GPR108: variants seen among roughly 807,000 people sequenced by gnomAD.
The protein encoded by GPR108 is G protein-coupled receptor 108.
In GPR108, 60 loss-of-function variants were observed where a neutral mutation model predicts 74.3. The observed-to-expected ratio is 0.81, with a 90% CI of 0.66 to 1.00. The LOEUF is 1.00. GPR108 is among the 50% of genes least tolerant of loss of function. The pLI is 0.00. For missense variants in GPR108, 667 were observed against 703.3 expected (o/e 0.95, Z 0.58); for synonymous variants, 311 against 292.4 (o/e 1.06, Z -0.65).
At chr19:6,735,993 G>T in intron 2 of GPR108, 35 bp from the exon 3 acceptor site, 1 of 1,576,934 alleles carries the variant, frequency 6.3e-7, no homozygotes, top group Non-Finnish European at 8.6e-7. Context: ...AGGGTGTGAG[G>T]GACAGTAGAG....
intron 1 of GPR108, chr19:6,737,221 T>C (rs951825606): frequency 4.1e-5 from 22 of 536,308 alleles, no homozygotes; most frequent in African/African-American, 3.9e-4. Flanking sequence ...CCCCAAGAGA[T>C]GGAGCCTCGC....
chr19:6,731,330 C>T, intron 15 of GPR108, 48 bp from the exon 16 acceptor site: 2 of 1,518,856 alleles, frequency 1.3e-6, no homozygotes, highest in Non-Finnish European at 1.8e-6. Flanking sequence ...GGGGCACGGG[C>T]AGGCATGGGG....
chr19:6,736,974 G>C, intron 1 of GPR108: 1 of 491,932 alleles, frequency 2.0e-6, no homozygotes, highest in Non-Finnish European at 3.7e-6. Context: ...GCACCGCCCG[G>C]AGAACAGTTA....
chr19:6,731,354 C>T, intron 15 of GPR108, 72 bp from the exon 16 acceptor site: 1 of 1,503,094 alleles, frequency 6.7e-7, no homozygotes, highest in South Asian at 1.3e-5. Context: ...GACTGCAGGA[C>T]TGCGGGCTGG....
rs60463209 is a variant in GPR108, at chr19:6,731,202, G to A, written c.1431C>T (p.Tyr477=). Residue 477 remains tyrosine, a synonymous_variant, in exon 16 of 18, where the codon TAC becomes TAT. Coordinates refer to ENST00000264080, the MANE Select transcript of GPR108 (RefSeq NM_001080452.2). ...CCCACCTGGGCCTCGGGCTCACCTG[G>A]TACAGCCACTGCCACTGAAAGGGCA... ...VAVPFQWQWL[Y]QLLVEGSTLA... 7,095 of 1,587,828 alleles carry A rather than the reference G, an allele frequency of 4.5e-3. 124 individuals carry two copies. The highest frequency in any genetic ancestry group is 0.036 in the East Asian group (1,601 of 44,470).
Position 6,730,329 on chromosome 19 carries a change from C to T in GPR108, c.1615G>A (p.Gly539Arg). The T allele has an allele frequency of 1.2e-6, 2 of 1,613,834 alleles. No individual in the cohort carries two copies. The highest frequency in any genetic ancestry group is 1.1e-5 in the South Asian group (1 of 91,068). Residue 539 changes from glycine to arginine, a missense_variant, in exon 18 of 18, where the codon GGG becomes AGG. Gly to Arg is a moderately radical substitution (Grantham distance 125, BLOSUM62 -2). Coordinates refer to ENST00000264080, the MANE Select transcript of GPR108 (RefSeq NM_001080452.2). ...GLSKVNKTAS[G>R]RELL ...GGAGGTGATCATAACAGTTCCCGCC[C>T]GCTGGCTGTTTTGTTGACTTTGGAG...
chr19:6,734,854 T>C (rs1256870524), intron 4 of GPR108, among the ~76,000 whole-genome samples: 2 of 34,624 alleles, frequency 5.8e-5, no homozygotes, highest in Admixed American at 2.8e-4. Context: ...CCTACATTAT[T>C]ATTATTATTA....
intron 17 of GPR108, 49 bp downstream of exon 17, chr19:6,730,938 C>A (rs1219873077): frequency 1.4e-5 from 22 of 1,599,790 alleles, no homozygotes; most frequent in Non-Finnish European, 1.9e-5. Context: ...CTGCCCACCC[C>A]CTACTCCACC....
In GPR108 at chr19:6,734,322, G is replaced by T. The variant is rs770742044; in HGVS notation, c.375-15C>A. On this transcript the variant is annotated splice_polypyrimidine_tract_variant and intron_variant, in intron 4 of 17. Coordinates refer to ENST00000264080, the MANE Select transcript of GPR108 (RefSeq NM_001080452.2). ...GCACCTGGACCCTGGGGTGAGGGTGGGGTGGGGCATGAGGCTGGGGGGCTG... is the reference window on the plus strand; with the variant it reads ...GCACCTGGACCCTGGGGTGAGGGTGTGGTGGGGCATGAGGCTGGGGGGCTG... 5.0e-6 allele frequency: 8 copies of T among 1,611,062 alleles called. No homozygotes were observed. The African/African-American group carries it at 8.0e-5, about 16-fold the overall frequency.
chr19:6,730,385 C>G lies in GPR108; in HGVS notation c.1560-1G>C, dbSNP rs750322340. On this transcript the variant is annotated splice_acceptor_variant, in intron 17 of 17. Transcript: ENST00000264080. LOFTEE classifies it high-confidence loss of function. ...TTCCCGGAACCCAGAGTCCGTCATT[C>G]TGGGGGCAGACAGCGAGGAGGCGTC... 41 of 1,612,788 alleles carry G rather than the reference C, an allele frequency of 2.5e-5. No individual in the cohort carries two copies. The South Asian group carries it at 4.4e-4, about 17-fold the overall frequency.
chr19:6,731,307 G>T (rs759114056), intron 15 of GPR108, 25 bp from the exon 16 acceptor site: 4 of 1,537,026 alleles, frequency 2.6e-6, no homozygotes, highest in Non-Finnish European at 3.5e-6. Flanking sequence ...GCAGGCGTGG[G>T]GCCAGGACTG....
At position 6,733,277 on chromosome 19, in the gene GPR108, C is replaced by G; in HGVS notation, c.748G>C (p.Asp250His). The change falls in exon 9 of 18, where the codon GAT becomes CAT. Residue 250 changes from aspartate to histidine, a missense_variant. Physicochemically the swap from Asp to His is moderately conservative, Grantham distance 81. Transcript: ENST00000264080. ...ITVMIREKNP[D>H]GFLSAAEMPL... is the part of the protein sequence containing the mutation. ...ATCTCCGCTGCCGACAGGAAGCCAT[C>G]GGGGTTCTTCTCCCGGATCATCACC... 6.2e-7 allele frequency: 1 copy of G among 1,613,362 alleles called. No homozygotes were observed. Among genetic ancestry groups the G allele is most frequent in the Non-Finnish European group, 8.5e-7 (1 of 1,179,752 alleles).
chr19:6,735,877 T>C, intron 3 of GPR108, 31 bp downstream of exon 3: 1 of 1,605,458 alleles, frequency 6.2e-7, no homozygotes, highest in African/African-American at 1.3e-5. Flanking sequence ...CTCCAGCCCC[T>C]TCTCCCGTCT....
rs753101121 is a variant in GPR108, at chr19:6,737,527, C to A, written c.50G>T (p.Trp17Leu). 1.5e-5 allele frequency: 24 copies of A among 1,566,848 alleles called. No individual in the cohort carries two copies. Among genetic ancestry groups the A allele is most frequent in the Middle Eastern group, 1.7e-4 (1 of 6,012 alleles). ...CAGCACCAGAAGTAGCCGCTGCCCC[C>A]ACTCCGCGGGGCTCCCGCGGCCGAG... ...RGLGRGSPAE[W>L]GQRLLLVLLL... Residue 17 changes from tryptophan to leucine, a missense_variant, in exon 1 of 18, where the codon TGG (tryptophan) becomes TTG (leucine). Trp to Leu is a moderately conservative substitution (Grantham distance 61). Transcript: ENST00000264080.
chr19:6,737,339 C>T, intron 1 of GPR108, 118 bp downstream of exon 1: 2 of 1,285,882 alleles, frequency 1.6e-6, no homozygotes, highest in Non-Finnish European at 2.0e-6. Context: ...ACGGGGGGCG[C>T]CGGACCACTC....
At chr19:6,731,812 G>A (rs915283141) in intron 14 of GPR108, 79 bp downstream of exon 14, 21 of 1,523,914 alleles carry the variant, frequency 1.4e-5, no homozygotes, top group Admixed American at 1.1e-4. Context: ...AGGCCAGGAG[G>A]GGCATCCAAG....
chr19:6,730,359 C>G lies in GPR108; in HGVS notation c.1585G>C (p.Gly529Arg). 6.2e-7 allele frequency: 1 copy of G among 1,613,486 alleles called. No homozygotes were observed. Among genetic ancestry groups the G allele is most frequent in the East Asian group, 2.2e-5 (1 of 44,870 alleles). The change falls in exon 18 of 18, where the codon GGC becomes CGC. Residue 529 changes from glycine (G) to arginine (R), a missense_variant. Transcript: ENST00000264080. ...GCTGTTTTGTTGACTTTGGAGAGGC[C>G]TTCCCGGAACCCAGAGTCCGTCATT... ...QVMTDSGFREGLSKVNKTASG... is the reference protein window; with the variant it reads ...QVMTDSGFRERLSKVNKTASG...
chr19:6,730,445 C>T, intron 17 of GPR108, 61 bp from the exon 18 acceptor site: 1 of 1,417,960 alleles, frequency 7.1e-7, no homozygotes, highest in Non-Finnish European at 1.0e-6. Context: ...ACCCACTCTA[C>T]CCGGAACCAC....
chr19:6,733,089 G>A, intron 9 of GPR108, 27 bp from the exon 10 acceptor site: 2 of 1,613,636 alleles, frequency 1.2e-6, no homozygotes, highest in Middle Eastern at 1.7e-4. Flanking sequence ...GGAGAGATGG[G>A]GGTGCGGGGC....
Sources: allele counts gnomAD v4.1 joint callset (sites outside exome capture counted in the v4.1 genomes callset), GRCh38; gene constraint gnomAD v4.1.1; transcripts MANE v1.5; gene names NCBI Gene and HGNC (gene_info 2026-07-23, HGNC 2026-07-21).